POLR1A: variants seen among roughly 807,000 people sequenced by gnomAD.
POLR1A encodes the protein RNA polymerase I subunit A.
A neutral mutation model predicts 205.3 loss-of-function variants in POLR1A; 84 were observed. The ratio of observed to expected loss-of-function variants is 0.41; its 90% CI spans 0.34 to 0.49. POLR1A has a LOEUF of 0.49. POLR1A is among the 20% of genes least tolerant of loss of function. POLR1A has a pLI of 0.22. For missense variants in POLR1A, 1,645 were observed against 2,204.5 expected (o/e 0.75, Z 5.08); for synonymous variants, 799 against 863.7 (o/e 0.93, Z 1.31).
chr2:86,088,935 C>A (rs1009634333), intron 4 of POLR1A, 65 bp from the exon 5 acceptor site: 2 of 1,192,062 alleles, frequency 1.7e-6, no homozygotes, highest in African/African-American at 3.0e-5. Flanking sequence ...AATATATTTA[C>A]TTTATGGTTT....
chr2:86,092,757 G>A (rs911074062), intron 3 of POLR1A, among the ~76,000 whole-genome samples: 1 of 152,160 alleles, frequency 6.6e-6, no homozygotes, highest in African/African-American at 2.4e-5. Context: ...CCCGGGAGGT[G>A]GAGGCTGCAG....
Position 86,027,422 on chromosome 2 carries a change from G to A in POLR1A, c.*1C>T. 1.9e-6 allele frequency: 3 copies of A among 1,612,830 alleles called. No individual in the cohort carries two copies. Among genetic ancestry groups the A allele is most frequent in the Non-Finnish European group, 2.5e-6 (3 of 1,178,834 alleles). On this transcript the variant is annotated 3_prime_UTR_variant, in exon 34 of 34. Transcript: ENST00000263857. ...CTGGGCAGATGGTGCCGGGGTAGCT[G>A]CTATCTCAGAGGCTGCTTGAGCTCG...
intron 6 of POLR1A, among the ~76,000 whole-genome samples, chr2:86,086,366 G>A (rs1011530925): frequency 7.9e-5 from 12 of 152,266 alleles, no homozygotes; most frequent in African/African-American, 1.9e-4. Context: ...GATTACAGGC[G>A]TGAGCCACCA....
intron 6 of POLR1A, among the ~76,000 whole-genome samples, chr2:86,088,310 G>A (rs71411849): frequency 0.017 from 2,511 of 152,178 alleles, 35 homozygotes; most frequent in Non-Finnish European, 0.026. Flanking sequence ...TCAGAAAAAC[G>A]ACCACCTAAG....
intron 14 of POLR1A, among the ~76,000 whole-genome samples, chr2:86,061,491 A>G (rs1046873461): frequency 2.2e-4 from 34 of 152,226 alleles, no homozygotes; most frequent in African/African-American, 7.7e-4. Flanking sequence ...TTAAACACAT[A>G]TCTTATGACC....
intron 9 of POLR1A, among the ~76,000 whole-genome samples, chr2:86,078,671 T>G (rs1480613342): frequency 6.6e-6 from 1 of 152,222 alleles, no homozygotes; most frequent in Non-Finnish European, 1.5e-5. Context: ...AATTCTCACA[T>G]GCAGTTTCAG....
chr2:86,062,753 A>C (rs1242087193), intron 14 of POLR1A, among the ~76,000 whole-genome samples: 2 of 152,162 alleles, frequency 1.3e-5, no homozygotes, highest in Non-Finnish European at 2.9e-5. Flanking sequence ...AATAAAACCA[A>C]AGACTTTTTT....
intron 12 of POLR1A, 75 bp downstream of exon 12, chr2:86,074,955 A>T (rs2104416739): frequency 9.4e-7 from 1 of 1,058,792 alleles, no homozygotes; most frequent in Non-Finnish European, 1.4e-6. Flanking sequence ...CACCGGAGCC[A>T]CACCTGATGG....
At position 86,064,826 on chromosome 2, in the gene POLR1A, T is replaced by C. The variant is rs561239672; in HGVS notation, c.2058+448A>G. 5.9e-5 allele frequency among the ~76,000 whole-genome samples: 9 copies of C among 151,866 alleles called. 1 individual carries two copies. In the South Asian group the frequency reaches 1.9e-3, roughly 32 times the overall value. On this transcript the variant is annotated intron_variant, in intron 14 of 33. Coordinates refer to ENST00000263857, the MANE Select transcript of POLR1A (RefSeq NM_015425.6). ...CAGGAGTGCAGTGGCTGATCCTGAC[T>C]CACTACAACCTCCACCTCCTGGGTT...
Position 86,031,603 on chromosome 2 carries a change from C to T in POLR1A, c.4305G>A (p.Arg1435=). ...CTTCATCGTCGTTCTCCTCGCCCTC[C>T]CTCTCCTCCTCTTCCTCACTCTCAT... ...VDYESEEEEE[R]EGEENDDEDM... Residue 1435 remains arginine, a synonymous_variant, in exon 30 of 34, where the codon AGG becomes AGA. Coordinates refer to ENST00000263857, the MANE Select transcript of POLR1A (RefSeq NM_015425.6). 1 of 1,612,980 alleles carries T rather than the reference C, an allele frequency of 6.2e-7. No homozygotes were observed. The highest frequency in any genetic ancestry group is 8.5e-7 in the Non-Finnish European group (1 of 1,179,104).
At chr2:86,063,412 G>A (rs1673034574) in intron 14 of POLR1A, among the ~76,000 whole-genome samples, 1 of 150,722 alleles carries the variant, frequency 6.6e-6, no homozygotes, top group Non-Finnish European at 1.5e-5. Context: ...GCCTTCACTG[G>A]TGAATTCTAC....
chr2:86,034,652 G>A (rs892048469), intron 27 of POLR1A, among the ~76,000 whole-genome samples: 12 of 152,112 alleles, frequency 7.9e-5, no homozygotes, highest in Middle Eastern at 6.8e-3. Flanking sequence ...TGTGAGAATC[G>A]GGTCCCTCAC....
intron 6 of POLR1A, among the ~76,000 whole-genome samples, chr2:86,084,944 G>A (rs1259547420): frequency 6.6e-6 from 1 of 151,848 alleles, no homozygotes; most frequent in African/African-American, 2.4e-5. Context: ...TCTGTTAATA[G>A]GTATTTAAGT....
At chr2:86,068,475 T>C (rs920219409) in intron 13 of POLR1A, among the ~76,000 whole-genome samples, 10 of 151,432 alleles carry the variant, frequency 6.6e-5, no homozygotes, top group Non-Finnish European at 1.5e-4. Context: ...GGTGTTTCCT[T>C]GTCTGAAAAT....
Position 86,083,108 on chromosome 2 carries a change from T to C in POLR1A, c.791A>G (p.His264Arg), listed in dbSNP as rs756309436. ...GYLTPTSARE[H>R]LSALWKNEGF... ...TTCATTCTTCCACAGGGCAGAAAGG[T>C]GTTCGCGGGCACTGGTGGGTGTTAA... is the stretch of plus-strand genomic sequence containing the variant. The change falls in exon 7 of 34, where the codon CAC becomes CGC. Residue 264 changes from histidine to arginine, a missense_variant. By Grantham distance (29) the His-to-Arg change is conservative. Transcript: ENST00000263857. The C allele has an allele frequency of 6.2e-7, 1 of 1,613,964 alleles. No individual in the cohort carries two copies. The highest frequency in any genetic ancestry group is 1.7e-5 in the Admixed American group (1 of 60,014).
chr2:86,104,083 C>G lies in POLR1A; in HGVS notation c.77+1617G>C, dbSNP rs139083772. Among the ~76,000 whole-genome samples, 152 of 152,266 alleles carry G rather than the reference C, an allele frequency of 1.0e-3. 1 individual carries two copies. The highest frequency in any genetic ancestry group is 3.4e-3 in the African/African-American group (140 of 41,556). On this transcript the variant is annotated intron_variant, in intron 1 of 33. Coordinates refer to ENST00000263857, the MANE Select transcript of POLR1A (RefSeq NM_015425.6). ...GCTATGCTAAGAAAATATACTTTAT[C>G]TGAGGGAAATGGAGAACATTTGGAG...
chr2:86,078,193 C>T lies in POLR1A; in HGVS notation c.1178G>A (p.Arg393His), dbSNP rs942408597. The T allele has an allele frequency of 1.7e-5, 27 of 1,613,164 alleles. No individual in the cohort carries two copies. Among genetic ancestry groups the T allele is most frequent in the African/African-American group, 1.5e-4 (11 of 74,784 alleles). Residue 393 changes from arginine (R) to histidine (H), a missense_variant, in exon 10 of 34, where the codon CGC (arginine) becomes CAC (histidine). By Grantham distance (29) the Arg-to-His change is conservative. Around this residue, in one of 16 missense-constraint regions of POLR1A, gnomAD observed 131 missense variants for 214.5 expected, o/e 0.61. Coordinates refer to ENST00000263857, the MANE Select transcript of POLR1A (RefSeq NM_015425.6). ...LIDKLYNIWI[R>H]LQSHVNIVFD... ...CACAATATTGACGTGGCTCTGAAGG[C>T]GAATCCAAATGTTGTAAAGTTTGTC...
intron 19 of POLR1A, among the ~76,000 whole-genome samples, chr2:86,046,271 A>G (rs939701342): frequency 2.6e-5 from 4 of 152,064 alleles, no homozygotes; most frequent in Admixed American, 6.5e-5. Context: ...CTTATTTTCA[A>G]TTAAAAACAA....
At chr2:86,044,342 T>C in intron 21 of POLR1A, 38 bp from the exon 22 acceptor site, 1 of 1,611,466 alleles carries the variant, frequency 6.2e-7, no homozygotes, top group Non-Finnish European at 8.5e-7. Context: ...CGCCGGCCCA[T>C]CACCTCCCCA....
Sources: allele counts gnomAD v4.1 joint callset (sites outside exome capture counted in the v4.1 genomes callset), GRCh38; gene constraint gnomAD v4.1.1; regional missense constraint gnomAD v4.1.1; transcripts MANE v1.5; gene names NCBI Gene and HGNC (gene_info 2026-07-23, HGNC 2026-07-21).